Variants in TNNI3K observed in about 807,000 individuals in gnomAD.
TNNI3K encodes serine/threonine-protein kinase TNNI3K.
A neutral mutation model predicts 114.5 loss-of-function variants in TNNI3K; 140 were observed. That is an observed-to-expected ratio of 1.22 (90% CI 1.07 to 1.41). TNNI3K has a LOEUF of 1.41. Ranked by LOEUF, TNNI3K falls within the 40% of genes most tolerant of loss-of-function variation. The pLI, the probability that TNNI3K is intolerant of heterozygous loss-of-function variation, is 0.00. For synonymous variants in TNNI3K, 347 were observed against 347.5 expected, an observed-to-expected ratio of 1.00 and a Z score of 0.02; for missense variants, 1,125 against 1,007.6, an observed-to-expected ratio of 1.12 and a Z score of -1.58.
At chr1:74,403,606 T>C (rs567397275) in intron 17 of TNNI3K, among the ~76,000 whole-genome samples, 6 of 152,204 alleles carry the variant, frequency 3.9e-5, no homozygotes, top group Non-Finnish European at 7.3e-5. Flanking sequence ...ATACTGGCTG[T>C]AGCTACCAAA....
intron 4 of TNNI3K, among the ~76,000 whole-genome samples, chr1:74,266,461 A>G (rs1262134880): frequency 1.3e-5 from 2 of 151,980 alleles, no homozygotes; most frequent in South Asian, 2.1e-4. Flanking sequence ...GCTCCACGCT[A>G]TTGATCACAA....
chr1:74,388,070 G>C (rs1663574960), intron 17 of TNNI3K, among the ~76,000 whole-genome samples: 1 of 152,122 alleles, frequency 6.6e-6, no homozygotes, highest in Admixed American at 6.6e-5. Flanking sequence ...ACATGGTCAG[G>C]AGTTCGAGAC....
chr1:74,387,299 A>G (rs181444512), intron 17 of TNNI3K, among the ~76,000 whole-genome samples: 8 of 152,250 alleles, frequency 5.3e-5, no homozygotes, highest in African/African-American at 1.9e-4. Flanking sequence ...GAAACCAAAA[A>G]AAGCAATTAA....
At chr1:74,500,660 T>G (rs868392016) in intron 23 of TNNI3K, among the ~76,000 whole-genome samples, 2 of 111,522 alleles carry the variant, frequency 1.8e-5, no homozygotes, top group African/African-American at 6.2e-5. Flanking sequence ...AAAAAAAAAA[T>G]TATTTAAGCC....
chr1:74,407,124 A>G (rs1664653737), intron 17 of TNNI3K, among the ~76,000 whole-genome samples: 1 of 152,230 alleles, frequency 6.6e-6, no homozygotes, highest in Non-Finnish European at 1.5e-5. Context: ...AGTTAATAGT[A>G]CAATCAGTGA....
At chr1:74,533,131 C>A (rs1374156615) in intron 23 of TNNI3K, among the ~76,000 whole-genome samples, 2 of 152,032 alleles carry the variant, frequency 1.3e-5, no homozygotes, top group Non-Finnish European at 2.9e-5. Context: ...AACAGGCAAC[C>A]TACAAAATGG....
intron 17 of TNNI3K, among the ~76,000 whole-genome samples, chr1:74,396,496 C>G (rs1046811495): frequency 3.9e-5 from 6 of 152,126 alleles, no homozygotes; most frequent in Non-Finnish European, 8.8e-5. Context: ...TGTTAGGACC[C>G]AATTTTTATA....
intron 22 of TNNI3K, among the ~76,000 whole-genome samples, chr1:74,491,392 G>T (rs754191332): frequency 4.6e-5 from 7 of 152,132 alleles, no homozygotes; most frequent in Admixed American, 1.3e-4. Flanking sequence ...GCTAATTTTT[G>T]TATTTTTATT....
Position 74,235,406 on chromosome 1 carries a change from T to C in TNNI3K, c.-46T>C, listed in dbSNP as rs201494849. 1.8e-4 allele frequency: 247 copies of C among 1,357,238 alleles called. 1 individual carries two copies. Among genetic ancestry groups the C allele is most frequent in the Non-Finnish European group, 2.4e-4 (236 of 974,042 alleles). The allele number at this position is 1,357,238 out of a possible 1,614,324, so 84.1% of individuals were successfully genotyped here. A position where few individuals can be genotyped will look rare whatever the true frequency, so the allele number is the denominator to read the frequency against. ...GTCACTGCACTTGAACTTGGAATCT[T>C]ATAACTTGAAGAACTGCCCTGGAGA... On this transcript the variant is annotated 5_prime_UTR_variant, in exon 1 of 25. Coordinates refer to ENST00000326637, the MANE Select transcript of TNNI3K (RefSeq NM_015978.3).
intron 17 of TNNI3K, chr1:74,373,002 T>C (rs1041076087): frequency 1.3e-5 from 2 of 151,862 alleles, no homozygotes; most frequent in African/African-American, 4.8e-5. Context: ...CAAACTATTG[T>C]ATCAATTATT....
intron 10 of TNNI3K, 65 bp downstream of exon 10, chr1:74,353,425 C>T (rs763881937): frequency 1.4e-5 from 22 of 1,573,482 alleles, no homozygotes; most frequent in Non-Finnish European, 1.8e-5. Context: ...TAATGGTATG[C>T]AAAGGGATGT....
intron 17 of TNNI3K, among the ~76,000 whole-genome samples, chr1:74,380,503 G>A (rs915835988): frequency 6.6e-6 from 1 of 152,096 alleles, no homozygotes; most frequent in Non-Finnish European, 1.5e-5. Flanking sequence ...GACTGAGCGT[G>A]GAAGGGAGAA....
At chr1:74,396,438 G>C (rs1664085901) in intron 17 of TNNI3K, among the ~76,000 whole-genome samples, 1 of 152,094 alleles carries the variant, frequency 6.6e-6, no homozygotes, top group South Asian at 2.1e-4. Context: ...AAGAGAATGA[G>C]GCCACTCTTG....
At chr1:74,405,372 C>T (rs1338883793) in intron 17 of TNNI3K, among the ~76,000 whole-genome samples, 1 of 152,126 alleles carries the variant, frequency 6.6e-6, no homozygotes, top group East Asian at 1.9e-4. Context: ...AGTTTTGGAA[C>T]TATGAGGAGT....
chr1:74,425,739 G>T (rs1216721857), intron 17 of TNNI3K, among the ~76,000 whole-genome samples: 4 of 152,082 alleles, frequency 2.6e-5, no homozygotes, highest in African/African-American at 9.7e-5. Flanking sequence ...TTTATTTAGA[G>T]AAAAAGTTGT....
chr1:74,256,508 A>G (rs1300538468), intron 4 of TNNI3K, among the ~76,000 whole-genome samples: 1 of 151,802 alleles, frequency 6.6e-6, no homozygotes, highest in East Asian at 1.9e-4. Flanking sequence ...AACTTTATCT[A>G]TTCTAATACA....
chr1:74,511,600 A>G (rs574775409), intron 23 of TNNI3K, among the ~76,000 whole-genome samples: 1 of 152,090 alleles, frequency 6.6e-6, no homozygotes, highest in Non-Finnish European at 1.5e-5. Context: ...TATATATTGA[A>G]TCATGTAGTA....
At chr1:74,308,681 C>T (rs751527650) in intron 5 of TNNI3K, among the ~76,000 whole-genome samples, 18 of 151,704 alleles carry the variant, frequency 1.2e-4, no homozygotes, top group Non-Finnish European at 2.9e-5. Flanking sequence ...TATATTGAGA[C>T]CAAAACAATA....
chr1:74,521,431 G>A (rs959904283), intron 23 of TNNI3K, among the ~76,000 whole-genome samples: 1 of 152,000 alleles, frequency 6.6e-6, no homozygotes, highest in African/African-American at 2.4e-5. Context: ...ACTATTTTAT[G>A]AAATATGTAT....
Sources: gnomAD v4.1 joint callset for allele counts (sites outside exome capture counted in the v4.1 genomes callset) on GRCh38, gnomAD v4.1.1 for gene constraint, MANE v1.5 for transcripts, NCBI Gene and HGNC (gene_info 2026-07-23, HGNC 2026-07-21) for gene names.